CNTN4: variants seen among roughly 807,000 people sequenced by gnomAD.
The protein encoded by CNTN4 is contactin-4.
A neutral mutation model predicts 122.5 loss-of-function variants in CNTN4; 77 were observed. The ratio of observed to expected loss-of-function variants is 0.63; its 90% CI spans 0.52 to 0.76. The LOEUF (loss-of-function observed/expected upper bound fraction) is 0.76. Among genes scored for constraint, CNTN4 ranks in the 30% least tolerant of loss-of-function variants. CNTN4 has a pLI of 0.00. For missense variants in CNTN4, 1,256 were observed against 1,259.1 expected (o/e 1.00, Z 0.04); for synonymous variants, 512 against 447.0 (o/e 1.15, Z -1.83).
At chr3:2,675,132 AT>A (rs11396844) in intron 4 of CNTN4, among the ~76,000 whole-genome samples, 38 of 148,978 alleles carry the variant, frequency 2.6e-4, no homozygotes, top group East Asian at 3.9e-4. Flanking sequence ...ATATATATGT[AT>A]TTTTTTTTTT....
At chr3:2,935,011 G>A (rs1054219400) in intron 13 of CNTN4, among the ~76,000 whole-genome samples, 10 of 152,186 alleles carry the variant, frequency 6.6e-5, no homozygotes, top group Admixed American at 6.5e-5. Context: ...CTCTCCTGAA[G>A]TGCAGTTGCA....
intron 13 of CNTN4, among the ~76,000 whole-genome samples, chr3:2,954,815 T>C (rs761875883): frequency 3.9e-5 from 6 of 152,186 alleles, no homozygotes; most frequent in Non-Finnish European, 7.3e-5. Flanking sequence ...TTTGAGTTTC[T>C]GTCTCTGGAA....
intron 2 of CNTN4, among the ~76,000 whole-genome samples, chr3:2,334,840 C>A (rs1199832977): frequency 6.6e-6 from 1 of 152,042 alleles, no homozygotes; most frequent in Admixed American, 6.6e-5. Context: ...TGAACATGTT[C>A]GTTAGAATTA....
intron 4 of CNTN4, among the ~76,000 whole-genome samples, chr3:2,604,154 T>C (rs751837948): frequency 1.3e-5 from 2 of 152,186 alleles, no homozygotes; most frequent in Non-Finnish European, 2.9e-5. Context: ...GATTCTACCA[T>C]ATATCCAGAG....
chr3:2,208,753 A>G (rs1189965964), intron 2 of CNTN4, among the ~76,000 whole-genome samples: 1 of 152,130 alleles, frequency 6.6e-6, no homozygotes, highest in African/African-American at 2.4e-5. Context: ...CCTTTAGCAA[A>G]CACCACCCTG....
intron 4 of CNTN4, among the ~76,000 whole-genome samples, chr3:2,636,121 A>T (rs180909392): frequency 2.7e-3 from 408 of 152,276 alleles, no homozygotes; most frequent in Middle Eastern, 6.8e-3. Context: ...CCCTGACAAT[A>T]CTTGTTGTCC....
intron 13 of CNTN4, among the ~76,000 whole-genome samples, chr3:2,969,239 G>A (rs934155252): frequency 5.3e-5 from 8 of 152,056 alleles, no homozygotes; most frequent in Admixed American, 2.6e-4. Context: ...GACCCCTAGC[G>A]GATTATCTAC....
At chr3:2,229,367 T>C (rs1377802121) in intron 2 of CNTN4, among the ~76,000 whole-genome samples, 1 of 152,182 alleles carries the variant, frequency 6.6e-6, no homozygotes, top group Non-Finnish European at 1.5e-5. Context: ...TGTTTCCACA[T>C]CAGCTTCCTG....
At chr3:2,600,251 C>T (rs1027249547) in intron 4 of CNTN4, among the ~76,000 whole-genome samples, 6 of 151,472 alleles carry the variant, frequency 4.0e-5, no homozygotes, top group African/African-American at 1.2e-4. Context: ...ATGTGTACAA[C>T]CTGCAGGTTT....
chr3:2,320,167 T>G (rs2043232674), intron 2 of CNTN4, among the ~76,000 whole-genome samples: 1 of 152,162 alleles, frequency 6.6e-6, no homozygotes, highest in Admixed American at 6.5e-5. Context: ...CTTTGTTGTT[T>G]GAGCTCTTTG....
chr3:2,950,183 G>A (rs1055808067), intron 13 of CNTN4, among the ~76,000 whole-genome samples: 4 of 152,222 alleles, frequency 2.6e-5, no homozygotes, highest in Non-Finnish European at 5.9e-5. Flanking sequence ...CTGTTTCCTC[G>A]AAGGGTAGCT....
At chr3:2,936,277 T>C (rs1278632947) in intron 13 of CNTN4, among the ~76,000 whole-genome samples, 5 of 152,196 alleles carry the variant, frequency 3.3e-5, no homozygotes, top group African/African-American at 7.2e-5. Context: ...CCAGTGGTTG[T>C]TCCCAAATTT....
In CNTN4 at chr3:2,428,464, C is replaced by G. The variant is rs572644039; in HGVS notation, c.-89+89231C>G. On this transcript the variant is annotated intron_variant, in intron 3 of 24. Transcript: ENST00000418658. ...TCAGCTGTTAGTCTGATGGGCTTCT[C>G]TTAGCGGGTAACCCAACCTTTCTCT... 4.6e-5 allele frequency among the ~76,000 whole-genome samples: 7 copies of G among 152,284 alleles called. No individual in the cohort carries two copies. The South Asian group carries it at 1.2e-3, about 27-fold the overall frequency.
At chr3:2,182,040 G>A (rs896372407) in intron 2 of CNTN4, among the ~76,000 whole-genome samples, 16 of 151,978 alleles carry the variant, frequency 1.1e-4, no homozygotes, top group Non-Finnish European at 2.1e-4. Flanking sequence ...CAATATAATA[G>A]AATCAACAGG....
In CNTN4 at chr3:2,486,166, G is replaced by C. The variant is rs903612853; in HGVS notation, c.-88-85250G>C. 1.4e-4 allele frequency among the ~76,000 whole-genome samples: 22 copies of C among 152,176 alleles called. 1 individual carries two copies. Among genetic ancestry groups the C allele is most frequent in the Admixed American group, 1.4e-3 (21 of 15,282 alleles). Reference sequence around the variant, plus strand: ...AAGAGCTGTAACACTCACTGCGAAGGTCTGCAGTTTCACTCCTGAAGCCCG... The same window carrying C: ...AAGAGCTGTAACACTCACTGCGAAGCTCTGCAGTTTCACTCCTGAAGCCCG... On this transcript the variant is annotated intron_variant, in intron 3 of 24. Coordinates refer to ENST00000418658, the MANE Select transcript of CNTN4 (RefSeq NM_175607.3).
At chr3:2,427,714 T>A (rs2047895540) in intron 3 of CNTN4, among the ~76,000 whole-genome samples, 1 of 152,014 alleles carries the variant, frequency 6.6e-6, no homozygotes, top group Admixed American at 6.5e-5. Context: ...TCTAAGTCTC[T>A]TTGTAGGTCT....
At chr3:2,794,791 A>G (rs1326104157) in intron 6 of CNTN4, among the ~76,000 whole-genome samples, 24 of 152,216 alleles carry the variant, frequency 1.6e-4, no homozygotes, top group Admixed American at 1.4e-3. Context: ...TCAAGACACA[A>G]GCAGATTCAA....
At chr3:2,892,187 C>G (rs2094049940) in intron 10 of CNTN4, 1 of 152,184 alleles carries the variant, frequency 6.6e-6, no homozygotes, top group Admixed American at 6.5e-5. Flanking sequence ...ACTTGGAAGT[C>G]TTATTACAAC....
intron 4 of CNTN4, among the ~76,000 whole-genome samples, chr3:2,576,439 G>T (rs552404930): frequency 3.9e-5 from 6 of 152,112 alleles, no homozygotes; most frequent in African/African-American, 1.4e-4. Flanking sequence ...TTCAAAAGTC[G>T]ATGTAAATAT....
Sources: allele counts gnomAD v4.1 joint callset (sites outside exome capture counted in the v4.1 genomes callset), GRCh38; gene constraint gnomAD v4.1.1; transcripts MANE v1.5; gene names NCBI Gene and HGNC (gene_info 2026-07-23, HGNC 2026-07-21).